The following CTNNA3 variants were observed in gnomAD, a reference collection of about 807,000 sequenced individuals.
The protein encoded by CTNNA3 is catenin alpha 3.
Under a neutral mutation model 95.7 loss-of-function variants are expected in CTNNA3, and 76 were observed. The observed-to-expected ratio is 0.79, with a 90% confidence interval of 0.66 to 0.96. The LOEUF (loss-of-function observed/expected upper bound fraction) is 0.96. CTNNA3 is among the 40% of genes least tolerant of loss of function. The pLI, the probability that CTNNA3 is intolerant of heterozygous loss-of-function variation, is 0.00. For missense variants in CTNNA3, 1,191 were observed against 1,089.8 expected, an observed-to-expected ratio of 1.09 and a Z score of -1.31; for synonymous variants, 431 against 374.4, an observed-to-expected ratio of 1.15 and a Z score of -1.74.
chr10:66,420,238 C>T (rs867094773), intron 11 of CTNNA3, among the ~76,000 whole-genome samples: 4 of 151,976 alleles, frequency 2.6e-5, no homozygotes, highest in African/African-American at 4.8e-5. Context: ...TAGATAATTC[C>T]GAAAGGAAGA....
chr10:66,624,240 A>G, intron 9 of CTNNA3, among the ~76,000 whole-genome samples: 1 of 151,982 alleles, frequency 6.6e-6, no homozygotes, highest in Non-Finnish European at 1.5e-5. Context: ...AAATTATTTG[A>G]TCTTGTTTTG....
At chr10:66,972,633 T>C (rs968996984) in intron 7 of CTNNA3, among the ~76,000 whole-genome samples, 2 of 151,432 alleles carry the variant, frequency 1.3e-5, no homozygotes, top group Non-Finnish European at 2.9e-5. Context: ...AAGTAAGACA[T>C]GAACATAAGC....
At chr10:67,370,870 T>A (rs35815792) in intron 5 of CTNNA3, among the ~76,000 whole-genome samples, 1 of 113,718 alleles carries the variant, frequency 8.8e-6, no homozygotes, top group Non-Finnish European at 1.7e-5. Flanking sequence ...GTTTTTTTTG[T>A]TTTTTTTTTT....
At chr10:66,239,922 G>C (rs1229429838) in intron 13 of CTNNA3, among the ~76,000 whole-genome samples, 1 of 151,786 alleles carries the variant, frequency 6.6e-6, no homozygotes, top group Non-Finnish European at 1.5e-5. Flanking sequence ...CACTAAAGTA[G>C]AAAACTCTGG....
intron 7 of CTNNA3, among the ~76,000 whole-genome samples, chr10:67,133,882 C>T (rs1198004120): frequency 6.6e-6 from 1 of 152,092 alleles, no homozygotes; most frequent in Non-Finnish European, 1.5e-5. Flanking sequence ...CAAGGTCTTG[C>T]TATATTGCCC....
chr10:66,699,857 A>G (rs1847886059), intron 9 of CTNNA3, among the ~76,000 whole-genome samples: 1 of 151,854 alleles, frequency 6.6e-6, no homozygotes, highest in Non-Finnish European at 1.5e-5. Flanking sequence ...GGGTTTCTCC[A>G]TGTTGGTCAG....
At chr10:67,429,229 C>A (rs1418482714) in intron 5 of CTNNA3, among the ~76,000 whole-genome samples, 1 of 151,948 alleles carries the variant, frequency 6.6e-6, no homozygotes, top group Non-Finnish European at 1.5e-5. Flanking sequence ...ATCAACCCTT[C>A]AAACTTTTCT....
intron 13 of CTNNA3, among the ~76,000 whole-genome samples, chr10:66,160,020 A>G (rs888016756): frequency 1.3e-5 from 2 of 151,870 alleles, no homozygotes; most frequent in Non-Finnish European, 2.9e-5. Flanking sequence ...TGTCAGTTGT[A>G]GTGTCTCCTC....
chr10:66,574,745 T>A (rs1298017141), intron 10 of CTNNA3, among the ~76,000 whole-genome samples: 1 of 152,122 alleles, frequency 6.6e-6, no homozygotes, highest in Non-Finnish European at 1.5e-5. Flanking sequence ...AGTGTAACAG[T>A]TTTTTTACTA....
At chr10:66,084,522 G>A (rs1051069863) in intron 14 of CTNNA3, among the ~76,000 whole-genome samples, 2 of 152,040 alleles carry the variant, frequency 1.3e-5, no homozygotes, top group Non-Finnish European at 2.9e-5. Context: ...CAAAAATGTA[G>A]GCAGTACCTA....
chr10:67,688,528 G>T (rs563253396), intron 1 of CTNNA3, among the ~76,000 whole-genome samples: 1 of 152,196 alleles, frequency 6.6e-6, no homozygotes, highest in African/African-American at 2.4e-5. Context: ...AAGTCAAGCT[G>T]CAGGATAGGA....
At chr10:67,183,697 T>A (rs1032946636) in intron 6 of CTNNA3, among the ~76,000 whole-genome samples, 25 of 151,422 alleles carry the variant, frequency 1.7e-4, no homozygotes, top group Admixed American at 3.3e-4. Context: ...AATTAAAAAA[T>A]AAATAAATAA....
At chr10:66,032,788 C>T (rs35950198) in intron 15 of CTNNA3, among the ~76,000 whole-genome samples, 1,538 of 152,186 alleles carry the variant, frequency 0.01, 10 homozygotes, top group Non-Finnish European at 0.015. Context: ...ATTAATAATA[C>T]ATTAATTTAT....
chr10:67,061,151 T>A (rs1465027565), intron 7 of CTNNA3, among the ~76,000 whole-genome samples: 1 of 152,166 alleles, frequency 6.6e-6, no homozygotes, highest in Non-Finnish European at 1.5e-5. Context: ...ATAACAGAGC[T>A]TTGAGAGAGT....
At chr10:67,593,734 T>C (rs1308508908) in intron 3 of CTNNA3, among the ~76,000 whole-genome samples, 1 of 152,180 alleles carries the variant, frequency 6.6e-6, no homozygotes, top group Non-Finnish European at 1.5e-5. Context: ...CTCTTCCTAC[T>C]TGGATACATT....
chr10:66,253,112 T>C (rs374363257), intron 13 of CTNNA3, among the ~76,000 whole-genome samples: 4 of 152,330 alleles, frequency 2.6e-5, no homozygotes, highest in African/African-American at 9.6e-5. Flanking sequence ...CAGACAAGAT[T>C]ATTATCTGGA....
intron 13 of CTNNA3, among the ~76,000 whole-genome samples, chr10:66,157,134 A>G (rs1042521871): frequency 2.6e-5 from 4 of 151,770 alleles, no homozygotes; most frequent in Non-Finnish European, 5.9e-5. Context: ...ACTTTGGTGC[A>G]CCCATCACCC....
At chr10:67,350,245 C>A (rs1842579858) in intron 5 of CTNNA3, among the ~76,000 whole-genome samples, 1 of 151,974 alleles carries the variant, frequency 6.6e-6, no homozygotes, top group African/African-American at 2.4e-5. Flanking sequence ...ACTACTAGAC[C>A]ATACCATGGT....
chr10:65,977,579 G>A (rs953077163), intron 16 of CTNNA3, among the ~76,000 whole-genome samples: 10 of 151,912 alleles, frequency 6.6e-5, no homozygotes, highest in African/African-American at 2.2e-4. Context: ...TCAGGAGTTC[G>A]AGACCAGCCT....
Sources: allele counts gnomAD v4.1 joint callset (sites outside exome capture counted in the v4.1 genomes callset), GRCh38; gene constraint gnomAD v4.1.1; transcripts MANE v1.5; gene names NCBI Gene and HGNC (gene_info 2026-07-23, HGNC 2026-07-21).